Variants in ADGRV1 observed in about 807,000 individuals in gnomAD.
The protein encoded by ADGRV1 is adhesion G protein-coupled receptor V1, also known as G-protein coupled receptor 98.
A neutral mutation model predicts 596.2 loss-of-function variants in ADGRV1; 359 were observed. The ratio of observed to expected loss-of-function variants is 0.60; its 90% CI spans 0.55 to 0.66. The LOEUF (loss-of-function observed/expected upper bound fraction) is 0.66, where lower values mean the gene tolerates loss of function less well. ADGRV1 is among the 30% of genes least tolerant of loss of function. The probability of loss-of-function intolerance (pLI) is 0.00; values close to 1 mark genes in which losing one functional copy is unlikely to be tolerated. For missense variants in ADGRV1, 7,274 were observed against 7,575.6 expected (o/e 0.96, Z 1.48); for synonymous variants, 2,681 against 2,679.2 (o/e 1.00, Z -0.02).
At chr5:91,093,858 T>TTG (rs1790599622) in intron 86 of ADGRV1, among the ~76,000 whole-genome samples, 2 of 151,406 alleles carry the variant, frequency 1.3e-5, no homozygotes, top group Admixed American at 1.3e-4. Flanking sequence ...TAAGTTTTTT[T>TTG]TTTTTTTTTT....
intron 83 of ADGRV1, among the ~76,000 whole-genome samples, chr5:90,889,406 A>T (rs1045938257): frequency 6.6e-6 from 1 of 152,070 alleles, no homozygotes; most frequent in African/African-American, 2.4e-5. Context: ...TATAGAGAAG[A>T]CTTATTCAGG....
chr5:91,149,167 T>G (rs533774694), intron 87 of ADGRV1, among the ~76,000 whole-genome samples: 2 of 152,204 alleles, frequency 1.3e-5, no homozygotes, highest in South Asian at 2.1e-4. Flanking sequence ...TTTGGGAGAC[T>G]GTTGGAAGGA....
chr5:91,067,000 C>T (rs921554688), intron 85 of ADGRV1, among the ~76,000 whole-genome samples: 2 of 152,156 alleles, frequency 1.3e-5, no homozygotes, highest in Non-Finnish European at 2.9e-5. Flanking sequence ...CCTATTACTT[C>T]TGAGAAGTCA....
chr5:90,917,736 C>T (rs766209943), intron 83 of ADGRV1, among the ~76,000 whole-genome samples: 1 of 152,116 alleles, frequency 6.6e-6, no homozygotes, highest in Non-Finnish European at 1.5e-5. Flanking sequence ...AAGCGTGCTA[C>T]CAAGCAGAAA....
At chr5:90,994,099 C>G (rs1449809129) in intron 85 of ADGRV1, among the ~76,000 whole-genome samples, 1 of 149,252 alleles carries the variant, frequency 6.7e-6, no homozygotes, top group African/African-American at 2.5e-5. Context: ...CTCTTGTCAT[C>G]CAGGCTGGAC....
intron 83 of ADGRV1, among the ~76,000 whole-genome samples, chr5:90,927,731 G>C (rs1176513375): frequency 6.6e-6 from 1 of 151,966 alleles, no homozygotes; most frequent in Non-Finnish European, 1.5e-5. Flanking sequence ...TAGTCTTGAT[G>C]GTCTTTACAT....
chr5:91,141,789 A>G (rs1004555785), intron 87 of ADGRV1, among the ~76,000 whole-genome samples: 1 of 152,216 alleles, frequency 6.6e-6, no homozygotes, highest in Admixed American at 6.5e-5. Flanking sequence ...AGCCAGAAAC[A>G]AGAGATCACA....
chr5:90,645,671 A>T lies in ADGRV1; in HGVS notation c.2899-297A>T, dbSNP rs73181642. On this transcript the variant is annotated intron_variant, in intron 15 of 89. Coordinates refer to ENST00000405460, the MANE Select transcript of ADGRV1 (RefSeq NM_032119.4). ...ATGTCTCCCATTTTCCTGCAGAAAT[A>T]ATATGACCTCTGTGGTATATCAGTT... Among the ~76,000 whole-genome samples, 1,161 of 152,334 alleles carry T rather than the reference A, an allele frequency of 7.6e-3. 10 individuals are homozygous for T. Among genetic ancestry groups the T allele is most frequent in the African/African-American group, 0.019 (790 of 41,566 alleles).
At chr5:90,772,416 G>A (rs1757792003) in intron 59 of ADGRV1, among the ~76,000 whole-genome samples, 1 of 152,066 alleles carries the variant, frequency 6.6e-6, no homozygotes, top group Non-Finnish European at 1.5e-5. Context: ...TGTGCTTTCT[G>A]TTGGTGAGTT....
chr5:90,681,856 T>G (rs945232122), intron 27 of ADGRV1, among the ~76,000 whole-genome samples: 1 of 142,302 alleles, frequency 7.0e-6, no homozygotes, highest in Non-Finnish European at 1.5e-5. Context: ...CTTCTTTCCT[T>G]CCTTCCTTCC....
At chr5:91,111,462 C>T (rs1005733685) in intron 87 of ADGRV1, among the ~76,000 whole-genome samples, 1 of 152,110 alleles carries the variant, frequency 6.6e-6, no homozygotes, top group African/African-American at 2.4e-5. Context: ...TTAATAATCC[C>T]CCTTCAATTC....
intron 50 of ADGRV1, among the ~76,000 whole-genome samples, chr5:90,734,526 C>T (rs1752962211): frequency 6.6e-6 from 1 of 151,154 alleles, no homozygotes; most frequent in African/African-American, 2.4e-5. Context: ...TTTCATGAAC[C>T]TGTTGGCCAT....
intron 86 of ADGRV1, among the ~76,000 whole-genome samples, chr5:91,072,825 C>A (rs1788507145): frequency 6.6e-6 from 1 of 152,096 alleles, no homozygotes; most frequent in African/African-American, 2.4e-5. Flanking sequence ...CCAATTTTGT[C>A]CTTAAGATAT....
At chr5:90,978,905 T>C (rs1363750439) in intron 84 of ADGRV1, among the ~76,000 whole-genome samples, 1 of 152,214 alleles carries the variant, frequency 6.6e-6, no homozygotes, top group African/African-American at 2.4e-5. Context: ...TCAATTAAAA[T>C]TATATGCAAA....
rs368761888 is a variant in ADGRV1, at chr5:90,778,398, A to G, written c.12667-29A>G. On this transcript the variant is annotated intron_variant, in intron 62 of 89. Transcript: ENST00000405460. ...TTTTTCTTGAAATTCCACAGATTCT[A>G]CTGTTGATGACTCTTTGTCTTTTTC... The G allele has an allele frequency of 7.5e-6, 12 of 1,592,834 alleles. No homozygotes were observed. The African/African-American group carries it at 1.2e-4, about 16-fold the overall frequency.
At chr5:91,058,402 A>T (rs1241064543) in intron 85 of ADGRV1, among the ~76,000 whole-genome samples, 1 of 152,082 alleles carries the variant, frequency 6.6e-6, no homozygotes, top group African/African-American at 2.4e-5. Context: ...CCCCATCCAG[A>T]ATGCAGGCTT....
intron 85 of ADGRV1, among the ~76,000 whole-genome samples, chr5:91,023,881 C>CT (rs1783829548): frequency 1.3e-5 from 2 of 152,092 alleles, no homozygotes; most frequent in Admixed American, 1.3e-4. Context: ...TATATAGTAA[C>CT]TTGTCACCTA....
intron 1 of ADGRV1, among the ~76,000 whole-genome samples, chr5:90,579,019 C>T (rs138550765): frequency 0.012 from 1,882 of 152,174 alleles, 38 homozygotes; most frequent in African/African-American, 0.044. Context: ...GTCTTGCTAG[C>T]GGTCTACCTA....
chr5:90,963,041 A>G (rs1778164488), intron 83 of ADGRV1, among the ~76,000 whole-genome samples: 1 of 152,208 alleles, frequency 6.6e-6, no homozygotes, highest in Non-Finnish European at 1.5e-5. Context: ...TTTGGATTAC[A>G]CTATTCTATT....
Sources: gnomAD v4.1 joint callset for allele counts (sites outside exome capture counted in the v4.1 genomes callset) on GRCh38, gnomAD v4.1.1 for gene constraint, MANE v1.5 for transcripts, NCBI Gene and HGNC (gene_info 2026-07-23, HGNC 2026-07-21) for gene names.